Variants in SORL1 observed in about 807,000 individuals in gnomAD.
SORL1 encodes sortilin related receptor 1, also known as sortilin-related receptor.
A neutral mutation model predicts 273.7 loss-of-function variants in SORL1; 127 were observed. The observed-to-expected ratio is 0.46, with a 90% CI of 0.40 to 0.54. The LOEUF (loss-of-function observed/expected upper bound fraction) is 0.54. SORL1 is among the 20% of genes least tolerant of loss of function. The pLI is 0.00. For synonymous variants in SORL1, 1,031 were observed against 1,067.4 expected, an observed-to-expected ratio of 0.97 and a Z score of 0.66; for missense variants, 2,494 against 2,846.1, an observed-to-expected ratio of 0.88 and a Z score of 2.81.
intron 35 of SORL1, among the ~76,000 whole-genome samples, chr11:121,605,941 A>G (rs1863465493): frequency 6.6e-6 from 1 of 152,016 alleles, no homozygotes; most frequent in Non-Finnish European, 1.5e-5. Context: ...TTCTTTTTGG[A>G]GACAAGGTCT....
chr11:121,477,377 GT>G (rs1191722922), intron 2 of SORL1, among the ~76,000 whole-genome samples: 1 of 152,168 alleles, frequency 6.6e-6, no homozygotes, highest in Non-Finnish European at 1.5e-5. Flanking sequence ...AATTAGATAC[GT>G]TTTGGGCACC....
intron 12 of SORL1, among the ~76,000 whole-genome samples, chr11:121,541,019 A>G (rs1034845689): frequency 6.6e-6 from 1 of 152,242 alleles, no homozygotes; most frequent in Non-Finnish European, 1.5e-5. Flanking sequence ...AGGAGACTGA[A>G]TGAGTTAATT....
intron 14 of SORL1, among the ~76,000 whole-genome samples, chr11:121,549,704 T>C (rs2134895796): frequency 6.7e-6 from 1 of 150,036 alleles, no homozygotes; most frequent in East Asian, 2.0e-4. Flanking sequence ...AATTTAATAC[T>C]GTTTTGATTT....
At position 121,583,477 on chromosome 11, in the gene SORL1, G is replaced by A. The variant is rs567772557; in HGVS notation, c.3600G>A (p.Glu1200=). The change falls in exon 26 of 48, where the codon GAG becomes GAA. Residue 1200 remains glutamate (E), a synonymous_variant. Transcript: ENST00000260197. The part of the protein sequence containing the change: ...ANCTAIYHTC[E]ASNFQCRNGH... ...TTACAGCCATCTATCACACCTGTGA[G>A]GCCTCCAACTTCCAGTGCCGAAACG... The A allele has an allele frequency of 6.2e-7, 1 of 1,612,894 alleles. No homozygotes were observed. Among genetic ancestry groups the A allele is most frequent in the Admixed American group, 1.7e-5 (1 of 59,852 alleles).
intron 3 of SORL1, among the ~76,000 whole-genome samples, chr11:121,486,587 C>G (rs1052823273): frequency 1.3e-4 from 19 of 151,498 alleles, no homozygotes; most frequent in Admixed American, 3.9e-4. Flanking sequence ...TCACGCCATT[C>G]TCCTGCCTCA....
At chr11:121,577,018 C>T in intron 24 of SORL1, 2 of 1,365,466 alleles carry the variant, frequency 1.5e-6, no homozygotes, top group Non-Finnish European at 2.0e-6. Flanking sequence ...GATGAATGGA[C>T]AAGGATGCTG....
chr11:121,551,678 A>C (rs1381057669), intron 16 of SORL1, among the ~76,000 whole-genome samples: 2 of 152,198 alleles, frequency 1.3e-5, no homozygotes, highest in Non-Finnish European at 2.9e-5. Context: ...TGAATCATGA[A>C]AGAAGTGTGT....
At chr11:121,484,309 A>G (rs539258218) in intron 3 of SORL1, among the ~76,000 whole-genome samples, 1 of 152,256 alleles carries the variant, frequency 6.6e-6, no homozygotes, top group African/African-American at 2.4e-5. Flanking sequence ...ACCTGGTATC[A>G]CCCTCTAAGT....
intron 8 of SORL1, among the ~76,000 whole-genome samples, chr11:121,519,050 C>T (rs187364214): frequency 1.4e-3 from 208 of 150,882 alleles, no homozygotes; most frequent in South Asian, 4.0e-3. Flanking sequence ...CGGGTTCAAG[C>T]GATTCTCCTG....
In SORL1 at chr11:121,583,405, G is replaced by A. The variant is rs1272378571; in HGVS notation, c.3581-53G>A. On this transcript the variant is annotated intron_variant, in intron 25 of 47. Transcript: ENST00000260197. ...TTTCAGCCCACCCCCTTGGACAGTT[G>A]GTGGGGGATGGAGATGAGGGGTGTG... is the stretch of plus-strand genomic sequence containing the variant. 7.0e-6 allele frequency: 11 copies of A among 1,566,154 alleles called. No homozygotes were observed. In the South Asian group the frequency reaches 1.1e-4, roughly 15 times the overall value.
In SORL1 at chr11:121,514,218, A is replaced by G. The variant is rs1357397888; in HGVS notation, c.1108A>G (p.Thr370Ala). Residue 370 changes from threonine (T) to alanine (A), a missense_variant, in exon 8 of 48, where the codon ACC becomes GCC. Coordinates refer to ENST00000260197, the MANE Select transcript of SORL1 (RefSeq NM_003105.6). Reference protein sequence around the residue: ...FVCVSHSNNRTNLYISEAEGL... With the variant: ...FVCVSHSNNRANLYISEAEGL... ...GTGTGTCAGCCACAGTAACAACCGC[A>G]CCAATTTATACATCTCAGAGGCAGA... is the stretch of plus-strand genomic sequence containing the variant. 3 of 1,614,156 alleles carry G rather than the reference A, an allele frequency of 1.9e-6. No individual in the cohort carries two copies. In the South Asian group the frequency reaches 3.3e-5, roughly 18 times the overall value.
At chr11:121,607,131 G>A (rs974345990) in intron 36 of SORL1, 55 bp from the exon 37 acceptor site, 1 of 1,188,588 alleles carries the variant, frequency 8.4e-7, no homozygotes, top group Non-Finnish European at 1.3e-6. Flanking sequence ...CAAGATATTA[G>A]GATGCCCTGG....
At chr11:121,518,383 G>C (rs1461373627) in intron 8 of SORL1, among the ~76,000 whole-genome samples, 1 of 152,170 alleles carries the variant, frequency 6.6e-6, no homozygotes, top group African/African-American at 2.4e-5. Flanking sequence ...AGGAAAGGAT[G>C]GGCTGGGACT....
intron 5 of SORL1, among the ~76,000 whole-genome samples, chr11:121,491,544 A>G (rs1265069654): frequency 6.6e-6 from 1 of 152,088 alleles, no homozygotes; most frequent in Admixed American, 6.5e-5. Flanking sequence ...GATCTTCACC[A>G]CCCCAAATCA....
chr11:121,470,083 C>T lies in SORL1; in HGVS notation c.362C>T (p.Ala121Val), dbSNP rs770856759. The T allele has an allele frequency of 1.2e-6, 2 of 1,613,930 alleles. No individual in the cohort carries two copies. The highest frequency in any genetic ancestry group is 2.7e-5 in the African/African-American group (2 of 74,890). The change falls in exon 2 of 48, where the codon GCC becomes GTC. Residue 121 changes from alanine to valine, a missense_variant. This residue lies in a region of SORL1 where 710 missense variants were observed against 882.5 expected (regional missense o/e 0.80). Transcript: ENST00000260197. ...GEKSNVIVAL[A>V]RDSLALARPK... ...AAAAGCAACGTGATCGTGGCCTTGG[C>T]CCGAGATAGCCTGGCATTGGCGAGG...
At position 121,560,959 on chromosome 11, in the gene SORL1, C is replaced by T. The variant is rs145116818; in HGVS notation, c.3049+1302C>T. On this transcript the variant is annotated intron_variant, in intron 21 of 47. Transcript: ENST00000260197. Reference sequence around the variant, plus strand: ...TCACATTCTTTCTTAGAGGAGGCACCTGTTTTAGAATCAGGAGAGTTGAAG... The same window carrying T: ...TCACATTCTTTCTTAGAGGAGGCACTTGTTTTAGAATCAGGAGAGTTGAAG... 1.2e-3 allele frequency among the ~76,000 whole-genome samples: 181 copies of T among 152,312 alleles called. 1 individual carries two copies. The highest frequency in any genetic ancestry group is 4.1e-3 in the African/African-American group (169 of 41,554).
chr11:121,614,995 C>G lies in SORL1; in HGVS notation c.5544C>G (p.Leu1848=). The change falls in exon 41 of 48, where the codon CTC becomes CTG. Residue 1848 remains leucine (L), a synonymous_variant. Coordinates refer to ENST00000260197, the MANE Select transcript of SORL1 (RefSeq NM_003105.6). ...TRGVRPPAPS[L]KAKAINQTAV... is the part of the protein sequence containing the mutation. ...GGGTTCGCCCACCTGCACCTAGCCT[C>G]AAGGCCAAAGCCATCAACCAGACTG... The G allele has an allele frequency of 6.2e-7, 1 of 1,613,506 alleles. No individual in the cohort carries two copies. Among genetic ancestry groups the G allele is most frequent in the Non-Finnish European group, 8.5e-7 (1 of 1,179,814 alleles).
At chr11:121,581,949 C>T (rs1038176893) in intron 25 of SORL1, among the ~76,000 whole-genome samples, 1 of 152,280 alleles carries the variant, frequency 6.6e-6, no homozygotes, top group South Asian at 2.1e-4. Context: ...GTATTCCAGG[C>T]GATGGCTGTT....
intron 21 of SORL1, among the ~76,000 whole-genome samples, chr11:121,560,890 T>G (rs1363744305): frequency 1.3e-5 from 2 of 152,248 alleles, no homozygotes; most frequent in African/African-American, 4.8e-5. Flanking sequence ...CTCACTAGTT[T>G]AGGGGCTGGC....
Sources: allele counts gnomAD v4.1 joint callset (sites outside exome capture counted in the v4.1 genomes callset), GRCh38; gene constraint gnomAD v4.1.1; regional missense constraint gnomAD v4.1.1; transcripts MANE v1.5; gene names NCBI Gene and HGNC (gene_info 2026-07-23, HGNC 2026-07-21).